The following OPCML variants were observed in gnomAD, a reference collection of about 807,000 sequenced individuals.
The protein encoded by OPCML is opioid-binding protein/cell adhesion molecule.
OPCML carries 13 observed loss-of-function variants against 37.8 expected under a neutral mutation model. The ratio of observed to expected loss-of-function variants is 0.34; its 90% confidence interval spans 0.22 to 0.55. The LOEUF is 0.55. Among genes scored for constraint, OPCML ranks in the 20% least tolerant of loss-of-function variants. The probability of loss-of-function intolerance (pLI) is 0.91; values close to 1 mark genes in which losing one functional copy is unlikely to be tolerated. For synonymous variants in OPCML, 176 were observed against 168.8 expected, an observed-to-expected ratio of 1.04 and a Z score of -0.33; for missense variants, 341 against 435.6, an observed-to-expected ratio of 0.78 and a Z score of 1.93.
chr11:132,898,846 C>CT (rs1555204830), intron 2 of OPCML, among the ~76,000 whole-genome samples: 23 of 151,682 alleles, frequency 1.5e-4, no homozygotes, highest in African/African-American at 5.6e-4. Flanking sequence ...CTGCCCCCCC[C>CT]ACCCCCGCAG....
At chr11:132,856,984 A>C (rs1382226749) in intron 2 of OPCML, among the ~76,000 whole-genome samples, 2 of 151,994 alleles carry the variant, frequency 1.3e-5, no homozygotes, top group Non-Finnish European at 2.9e-5. Flanking sequence ...TCAATCTCTC[A>C]CTCTGCCTTA....
chr11:132,541,990 AT>A (rs763073588), intron 3 of OPCML, among the ~76,000 whole-genome samples: 1 of 152,192 alleles, frequency 6.6e-6, no homozygotes, highest in Non-Finnish European at 1.5e-5. Flanking sequence ...GGAAAACCAA[AT>A]GAGGCAATGC....
intron 1 of OPCML, among the ~76,000 whole-genome samples, chr11:133,510,303 G>A (rs1020833296): frequency 1.3e-5 from 2 of 152,232 alleles, no homozygotes; most frequent in Admixed American, 6.5e-5. Context: ...CAAGATGGAA[G>A]AGGGTATAGG....
intron 1 of OPCML, among the ~76,000 whole-genome samples, chr11:133,069,569 C>A (rs180926807): frequency 6.6e-6 from 1 of 152,084 alleles, no homozygotes; most frequent in Admixed American, 6.5e-5. Flanking sequence ...CGTGTGTGTG[C>A]GACTACACAA....
intron 2 of OPCML, among the ~76,000 whole-genome samples, chr11:132,850,062 T>C (rs1025153153): frequency 3.0e-4 from 46 of 152,206 alleles, no homozygotes; most frequent in African/African-American, 1.0e-3. Flanking sequence ...AACTTTCCTG[T>C]ACCAACTAGA....
At chr11:132,480,171 TA>T (rs1425856225) in intron 4 of OPCML, among the ~76,000 whole-genome samples, 2 of 152,010 alleles carry the variant, frequency 1.3e-5, no homozygotes, top group African/African-American at 4.8e-5. Flanking sequence ...GAGAAGTGCT[TA>T]AAGGAGCTGA....
At chr11:132,669,730 G>A (rs1055631055) in intron 2 of OPCML, among the ~76,000 whole-genome samples, 4 of 152,156 alleles carry the variant, frequency 2.6e-5, no homozygotes, top group African/African-American at 9.7e-5. Context: ...TAGAAGAAAA[G>A]TGTCTTTTGA....
intron 2 of OPCML, among the ~76,000 whole-genome samples, chr11:132,929,003 G>GA (rs1329577349): frequency 2.9e-4 from 41 of 139,342 alleles, no homozygotes; most frequent in Admixed American, 7.1e-4. Flanking sequence ...CAACAAAAAA[G>GA]AAAAAAAAAC....
intron 2 of OPCML, among the ~76,000 whole-genome samples, chr11:132,893,300 T>G (rs1943721713): frequency 6.6e-6 from 1 of 152,180 alleles, no homozygotes; most frequent in African/African-American, 2.4e-5. Context: ...GCCTAATCTT[T>G]CCAGCATGGC....
chr11:132,528,533 C>T (rs1245497420), intron 4 of OPCML, among the ~76,000 whole-genome samples: 1 of 152,186 alleles, frequency 6.6e-6, no homozygotes, highest in African/African-American at 2.4e-5. Flanking sequence ...TTATTGAATG[C>T]TCAGCACAGT....
intron 3 of OPCML, among the ~76,000 whole-genome samples, chr11:132,648,273 G>T (rs113077314): frequency 1.7e-4 from 26 of 152,234 alleles, no homozygotes; most frequent in African/African-American, 6.0e-4. Flanking sequence ...AGGTGTGATT[G>T]CTCCCCTGCT....
intron 2 of OPCML, among the ~76,000 whole-genome samples, chr11:132,872,497 C>T (rs1942843742): frequency 1.3e-5 from 2 of 152,128 alleles, no homozygotes; most frequent in Non-Finnish European, 2.9e-5. Flanking sequence ...GTGAGCAACT[C>T]CAGGCCTGGC....
intron 2 of OPCML, among the ~76,000 whole-genome samples, chr11:132,876,768 A>T (rs1427719645): frequency 6.6e-6 from 1 of 152,178 alleles, no homozygotes; most frequent in Admixed American, 6.5e-5. Context: ...AAAGGTAAAC[A>T]TGCCTGGTGC....
chr11:133,421,503 T>A, intron 1 of OPCML: 1 of 985,414 alleles, frequency 1.0e-6, no homozygotes, highest in Non-Finnish European at 1.2e-6. Flanking sequence ...ACTTTAATTA[T>A]TTTTCCTCTT....
intron 1 of OPCML, among the ~76,000 whole-genome samples, chr11:133,384,934 G>A (rs1016000294): frequency 6.6e-6 from 1 of 152,242 alleles, no homozygotes; most frequent in Non-Finnish European, 1.5e-5. Flanking sequence ...AAAGCACTGC[G>A]TTGGAGGGGA....
chr11:132,893,986 A>T (rs750393664), intron 2 of OPCML, among the ~76,000 whole-genome samples: 31 of 152,178 alleles, frequency 2.0e-4, no homozygotes, highest in Non-Finnish European at 2.6e-4. Context: ...ACACACAAGC[A>T]CATGCCACAC....
At chr11:133,116,051 CCTCTGCCTCTGGGGTTCAAGCAGCT>C (rs1949328723) in intron 1 of OPCML, among the ~76,000 whole-genome samples, 1 of 152,126 alleles carries the variant, frequency 6.6e-6, no homozygotes, top group African/African-American at 2.4e-5. Flanking sequence ...CTCACTGCTA[CCTCTGCCTCTGGGGTTCAAGCAGCT>C]CTCTGCCTCA....
At chr11:133,062,729 T>A (rs75114303) in intron 1 of OPCML, among the ~76,000 whole-genome samples, 1,954 of 152,322 alleles carry the variant, frequency 0.013, 44 homozygotes, top group African/African-American at 0.045. Flanking sequence ...TCAGCTTCCA[T>A]CTCCTGTTCC....
chr11:133,470,238 T>A (rs933810223), intron 1 of OPCML, among the ~76,000 whole-genome samples: 3 of 152,176 alleles, frequency 2.0e-5, no homozygotes, highest in African/African-American at 7.2e-5. Context: ...AAATCCCAAC[T>A]TGAAATAAAA....
Sources: gnomAD v4.1 joint callset for allele counts (sites outside exome capture counted in the v4.1 genomes callset) on GRCh38, gnomAD v4.1.1 for gene constraint, MANE v1.5 for transcripts, NCBI Gene and HGNC (gene_info 2026-07-23, HGNC 2026-07-21) for gene names.